Variants in TACR1 observed in about 807,000 individuals in gnomAD.
The protein encoded by TACR1 is substance-P receptor.
Under a neutral mutation model 35.8 loss-of-function variants are expected in TACR1, and 25 were observed. That is an observed-to-expected ratio of 0.70 (90% CI 0.51 to 0.98). The LOEUF (loss-of-function observed/expected upper bound fraction) is 0.98. Among genes scored for constraint, TACR1 ranks in the 50% least tolerant of loss-of-function variants. The probability of loss-of-function intolerance (pLI) is 0.00; values close to 1 mark genes in which losing one functional copy is unlikely to be tolerated. For synonymous variants in TACR1, 195 were observed against 206.7 expected, an observed-to-expected ratio of 0.94 and a Z score of 0.48; for missense variants, 478 against 522.9, an observed-to-expected ratio of 0.91 and a Z score of 0.84.
In TACR1 at chr2:75,094,859, A is replaced by ATATATATATATATATATATATAT; in HGVS notation, c.584+25714_584+25715insATATATATATATATATATATATA. Among the ~76,000 whole-genome samples the ATATATATATATATATATATATAT allele has an allele frequency of 4.8e-4, 54 of 113,088 alleles. 1 individual carries two copies. Among genetic ancestry groups the ATATATATATATATATATATATAT allele is most frequent in the African/African-American group, 2.2e-3 (46 of 20,848 alleles). 74.2% of individuals were successfully genotyped at this position (113,088 alleles called of 152,430 possible). On this transcript the variant is annotated intron_variant, in intron 2 of 4. Coordinates refer to ENST00000305249, the MANE Select transcript of TACR1 (RefSeq NM_001058.4). ...GAAACATATATATATATATATATAT[A>ATATATATATATATATATATATAT]TTTTTTTTTTTTTTGCCCAAGATGG...
chr2:75,118,739 A>T (rs77880978), intron 2 of TACR1: 2 of 152,258 alleles, frequency 1.3e-5, no homozygotes, highest in African/African-American at 4.8e-5. Context: ...TGAAAAGACC[A>T]TGAAAACTAA....
chr2:75,125,248 A>G (rs1674050417), intron 1 of TACR1, among the ~76,000 whole-genome samples: 1 of 151,030 alleles, frequency 6.6e-6, no homozygotes, highest in Admixed American at 6.6e-5. Flanking sequence ...CAGTGGTATG[A>G]TCTCGGCTCA....
intron 1 of TACR1, among the ~76,000 whole-genome samples, chr2:75,152,656 G>A (rs1674699914): frequency 6.6e-6 from 1 of 152,176 alleles, no homozygotes; most frequent in African/African-American, 2.4e-5. Flanking sequence ...TCTGAAAACA[G>A]GAAGCTTAAC....
At chr2:75,189,565 G>A (rs1480404936) in intron 1 of TACR1, 1 of 152,206 alleles carries the variant, frequency 6.6e-6, no homozygotes, top group Non-Finnish European at 1.5e-5. Context: ...GCAATTTTAA[G>A]TGTAACACCT....
intron 2 of TACR1, among the ~76,000 whole-genome samples, chr2:75,087,924 G>A (rs915605675): frequency 1.3e-5 from 2 of 152,204 alleles, no homozygotes; most frequent in Non-Finnish European, 2.9e-5. Flanking sequence ...ACTCACTGAT[G>A]ATGAACTCAG....
chr2:75,095,793 C>T (rs1673409709), intron 2 of TACR1, among the ~76,000 whole-genome samples: 2 of 152,084 alleles, frequency 1.3e-5, no homozygotes, highest in Admixed American at 1.3e-4. Flanking sequence ...GTCAAGTCCC[C>T]TTAGGATGCT....
chr2:75,117,902 C>T (rs755383988), intron 2 of TACR1, among the ~76,000 whole-genome samples: 6 of 152,140 alleles, frequency 3.9e-5, no homozygotes, highest in Non-Finnish European at 8.8e-5. Flanking sequence ...ATATCATTTT[C>T]CCACCATTGT....
chr2:75,152,922 G>A (rs1408011668), intron 1 of TACR1, among the ~76,000 whole-genome samples: 1 of 152,210 alleles, frequency 6.6e-6, no homozygotes, highest in East Asian at 1.9e-4. Context: ...GGTATTTTGT[G>A]AGACGGAGTC....
chr2:75,158,506 G>A (rs1674920242), intron 1 of TACR1, among the ~76,000 whole-genome samples: 1 of 152,080 alleles, frequency 6.6e-6, no homozygotes, highest in Non-Finnish European at 1.5e-5. Flanking sequence ...GTGCTCTATC[G>A]CAGGCCTCAG....
chr2:75,115,114 T>A (rs988038048), intron 2 of TACR1, among the ~76,000 whole-genome samples: 2 of 150,460 alleles, frequency 1.3e-5, no homozygotes, highest in African/African-American at 5.0e-5. Context: ...TGTGTGTGTG[T>A]GTGTGTCTTC....
intron 1 of TACR1, among the ~76,000 whole-genome samples, chr2:75,182,179 A>C (rs78408129): frequency 0.031 from 4,715 of 152,308 alleles, 113 homozygotes; most frequent in Non-Finnish European, 0.048. Context: ...GAAAGCTAAG[A>C]GTGAAAAAGC....
At chr2:75,128,488 T>C (rs1674116675) in intron 1 of TACR1, among the ~76,000 whole-genome samples, 1 of 152,118 alleles carries the variant, frequency 6.6e-6, no homozygotes, top group Admixed American at 6.5e-5. Flanking sequence ...ATATTCTGAG[T>C]GTTTCTGCCA....
At chr2:75,056,974 A>G (rs1365305975) in intron 2 of TACR1, among the ~76,000 whole-genome samples, 4 of 152,212 alleles carry the variant, frequency 2.6e-5, no homozygotes, top group East Asian at 1.9e-4. Context: ...ATCTGCACAC[A>G]ACATCATTCA....
At chr2:75,062,676 G>A (rs1672692926) in intron 2 of TACR1, among the ~76,000 whole-genome samples, 1 of 152,252 alleles carries the variant, frequency 6.6e-6, no homozygotes, top group South Asian at 2.1e-4. Flanking sequence ...AAAGTCACCA[G>A]AACTAAGTTA....
intron 1 of TACR1, among the ~76,000 whole-genome samples, chr2:75,148,898 A>G (rs1674605502): frequency 6.6e-6 from 1 of 152,098 alleles, no homozygotes; most frequent in Non-Finnish European, 1.5e-5. Context: ...TATTTTTTGT[A>G]TAAGGTGTAA....
intron 2 of TACR1, among the ~76,000 whole-genome samples, chr2:75,058,169 A>G (rs1418828848): frequency 4.9e-5 from 7 of 143,312 alleles, no homozygotes; most frequent in East Asian, 1.9e-4. Context: ...ATCAAAAATT[A>G]TAAGTGAATG....
At chr2:75,195,033 G>C (rs1335295965) in intron 1 of TACR1, among the ~76,000 whole-genome samples, 1 of 152,078 alleles carries the variant, frequency 6.6e-6, no homozygotes, top group African/African-American at 2.4e-5. Flanking sequence ...CTGAAAATGG[G>C]GGTTAGGGGA....
At chr2:75,154,950 G>C (rs974337581) in intron 1 of TACR1, among the ~76,000 whole-genome samples, 2 of 152,154 alleles carry the variant, frequency 1.3e-5, no homozygotes, top group African/African-American at 2.4e-5. Flanking sequence ...TTCTCCTCCA[G>C]ATGAGTCTGT....
At chr2:75,195,407 C>G in intron 1 of TACR1, among the ~76,000 whole-genome samples, 1 of 143,936 alleles carries the variant, frequency 6.9e-6, no homozygotes, top group East Asian at 2.0e-4. Context: ...TCCTTTCCCC[C>G]CATCCCTTTT....
Sources: gnomAD v4.1 joint callset for allele counts (sites outside exome capture counted in the v4.1 genomes callset) on GRCh38, gnomAD v4.1.1 for gene constraint, MANE v1.5 for transcripts, NCBI Gene and HGNC (gene_info 2026-07-23, HGNC 2026-07-21) for gene names.